MEIS2: variants seen among roughly 807,000 people sequenced by gnomAD.
MEIS2 encodes Meis homeobox 2.
MEIS2 carries 9 observed loss-of-function variants against 58.6 expected under a neutral mutation model. The ratio of observed to expected loss-of-function variants is 0.15; its 90% confidence interval spans 0.09 to 0.27. MEIS2 has a LOEUF of 0.27. Among genes scored for constraint, MEIS2 ranks in the 10% least tolerant of loss-of-function variants. MEIS2 has a pLI of 1.00. For synonymous variants in MEIS2, 221 were observed against 228.4 expected (o/e 0.97, Z 0.29); for missense variants, 427 against 635.0 (o/e 0.67, Z 3.52).
chr15:36,940,872 A>G lies in MEIS2; in HGVS notation c.977+9452T>C, dbSNP rs1220672422. 2.0e-5 allele frequency among the ~76,000 whole-genome samples: 3 copies of G among 152,292 alleles called. No individual in the cohort carries two copies. In the East Asian group the frequency reaches 5.8e-4, roughly 29 times the overall value. On this transcript the variant is annotated intron_variant, in intron 9 of 11. Transcript: ENST00000561208. ...TAGAATCCATCTATGGATTTTAATA[A>G]GTAACCTATTATGTTCCCTTTGGTG...
At chr15:37,004,546 C>T (rs545554008) in intron 8 of MEIS2, among the ~76,000 whole-genome samples, 69 of 152,344 alleles carry the variant, frequency 4.5e-4, no homozygotes, top group African/African-American at 1.6e-3. Context: ...TTCTGTTACA[C>T]GTGTCAGCAT....
chr15:37,013,672 T>A (rs191278525), intron 8 of MEIS2, among the ~76,000 whole-genome samples: 2 of 150,914 alleles, frequency 1.3e-5, no homozygotes, highest in Admixed American at 1.3e-4. Flanking sequence ...CTCAATGAAT[T>A]CAGAGCTTTG....
chr15:36,907,925 T>TG lies in MEIS2; in HGVS notation c.978-11240dup, dbSNP rs1555422200. Among the ~76,000 whole-genome samples, 137 of 27,902 alleles carry TG rather than the reference T, an allele frequency of 4.9e-3. 3 individuals carry two copies. Among genetic ancestry groups the TG allele is most frequent in the Admixed American group, 0.014 (32 of 2,290 alleles). 18.3% of individuals were successfully genotyped at this position (27,902 alleles called of 152,430 possible). A position where few individuals can be genotyped will look rare whatever the true frequency, so the allele number is the denominator to read the frequency against. On this transcript the variant is annotated intron_variant, in intron 9 of 11. Transcript: ENST00000561208. ...TACTGGCATCTAGTAAAGGTGCCAATGGGGAAAAAAAAATCAAAGATCTAA... is the reference window on the plus strand; with the variant it reads ...TACTGGCATCTAGTAAAGGTGCCAATGGGGGAAAAAAAAATCAAAGATCTAA...
At chr15:37,049,534 C>T (rs564234298) in intron 7 of MEIS2, among the ~76,000 whole-genome samples, 7 of 151,618 alleles carry the variant, frequency 4.6e-5, no homozygotes, top group Non-Finnish European at 5.9e-5. Context: ...TCTCCCAGGC[C>T]GGAGTGTAGT....
At position 37,055,573 on chromosome 15, in the gene MEIS2, G is replaced by A. The variant is rs10152532; in HGVS notation, c.755-18614C>T. On this transcript the variant is annotated intron_variant, in intron 7 of 11. Coordinates refer to ENST00000561208, the MANE Select transcript of MEIS2 (RefSeq NM_170675.5). ...CAACCTTGCTGTAAGCAGTAAAATTGATTCATCTCACTGACAAAAATGTGA... is the reference window on the plus strand; with the variant it reads ...CAACCTTGCTGTAAGCAGTAAAATTAATTCATCTCACTGACAAAAATGTGA... 2.9e-3 allele frequency among the ~76,000 whole-genome samples: 441 copies of A among 152,206 alleles called. 3 individuals carry two copies. Among genetic ancestry groups the A allele is most frequent in the African/African-American group, 0.01 (416 of 41,506 alleles).
chr15:37,085,335 A>C (rs566597842), intron 6 of MEIS2, among the ~76,000 whole-genome samples: 2 of 152,348 alleles, frequency 1.3e-5, no homozygotes, highest in Admixed American at 6.5e-5. Flanking sequence ...TGTATAGTTC[A>C]TCAAGAAAAG....
rs535371965 is a variant in MEIS2, at chr15:37,008,852, T to C, written c.900+27962A>G. On this transcript the variant is annotated intron_variant, in intron 8 of 11. Transcript: ENST00000561208. ...ATTTTGTGCTGCACATATTTAGGTA[T>C]AAAGGAGAATTTTCAGGCTGAGAAT... 3.3e-5 allele frequency among the ~76,000 whole-genome samples: 5 copies of C among 152,266 alleles called. No individual in the cohort carries two copies. In the South Asian group the frequency reaches 8.3e-4, roughly 25 times the overall value.
intron 9 of MEIS2, among the ~76,000 whole-genome samples, chr15:36,927,195 C>T (rs1789920891): frequency 6.6e-6 from 1 of 152,136 alleles, no homozygotes; most frequent in Non-Finnish European, 1.5e-5. Context: ...TTTGCAAGGC[C>T]TGCCAATCCT....
At chr15:37,037,992 A>G (rs1404934140) in intron 7 of MEIS2, among the ~76,000 whole-genome samples, 3 of 152,226 alleles carry the variant, frequency 2.0e-5, no homozygotes, top group Non-Finnish European at 4.4e-5. Context: ...TTCCTTGCAC[A>G]TCATTAGCCT....
intron 8 of MEIS2, among the ~76,000 whole-genome samples, chr15:36,971,536 T>TAAAAAAAAA (rs1567126001): frequency 0.013 from 880 of 65,386 alleles, 153 homozygotes; most frequent in African/African-American, 0.067. Context: ...CCTTGTTACA[T>TAAAAAAAAA]TAAAAAAAAA....
intron 11 of MEIS2, chr15:36,894,364 A>T (rs2056055365): frequency 6.1e-6 from 1 of 163,440 alleles, no homozygotes; most frequent in Admixed American, 5.9e-5. Flanking sequence ...GCTTCATTGA[A>T]GCCTGCTTAA....
At chr15:37,064,708 G>C (rs778514740) in intron 7 of MEIS2, among the ~76,000 whole-genome samples, 40 of 152,128 alleles carry the variant, frequency 2.6e-4, no homozygotes, top group Non-Finnish European at 4.4e-4. Flanking sequence ...CTTACGCATG[G>C]GAAAATGGAT....
chr15:36,978,253 C>T (rs932614533), intron 8 of MEIS2, among the ~76,000 whole-genome samples: 3 of 152,186 alleles, frequency 2.0e-5, no homozygotes, highest in Non-Finnish European at 4.4e-5. Context: ...GTTAAGTGCA[C>T]AGTATGTGCC....
chr15:36,895,139 G>T lies in MEIS2; in HGVS notation c.1147+12C>A. Reference sequence around the variant, plus strand: ...TCCCAGGGAAGCCCAGAGGCGGGATGAGCCAACCTACCTGCAGGCCGGATC... The same window carrying T: ...TCCCAGGGAAGCCCAGAGGCGGGATTAGCCAACCTACCTGCAGGCCGGATC... On this transcript the variant is annotated intron_variant, in intron 11 of 11. Coordinates refer to ENST00000561208, the MANE Select transcript of MEIS2 (RefSeq NM_170675.5). 6.2e-7 allele frequency: 1 copy of T among 1,610,696 alleles called. No homozygotes were observed.
chr15:36,910,362 T>A (rs1239791093), intron 9 of MEIS2, among the ~76,000 whole-genome samples: 1 of 152,146 alleles, frequency 6.6e-6, no homozygotes, highest in Non-Finnish European at 1.5e-5. Flanking sequence ...AATGTGAAGG[T>A]AATCAAAGTG....
intron 8 of MEIS2, among the ~76,000 whole-genome samples, chr15:37,009,305 T>A (rs540192804): frequency 2.6e-5 from 4 of 151,348 alleles, no homozygotes; most frequent in African/African-American, 7.3e-5. Flanking sequence ...AAATAAAAAA[T>A]AAAAAAAAAT....
chr15:36,932,594 TTTGGATTTAATTG>T (rs2141335532), intron 9 of MEIS2, among the ~76,000 whole-genome samples: 1 of 152,268 alleles, frequency 6.6e-6, no homozygotes, highest in South Asian at 2.1e-4. Flanking sequence ...TTCATTTGTT[TTTGGATTTAATTG>T]TTAGAGGGTC....
At chr15:36,996,425 T>A (rs75851101) in intron 8 of MEIS2, among the ~76,000 whole-genome samples, 9,004 of 152,214 alleles carry the variant, frequency 0.059, 311 homozygotes, top group East Asian at 0.072. Flanking sequence ...CTATTTTTTT[T>A]ATCGAGATTG....
intron 7 of MEIS2, among the ~76,000 whole-genome samples, chr15:37,056,092 G>C (rs1435085690): frequency 6.6e-6 from 1 of 152,084 alleles, no homozygotes; most frequent in Non-Finnish European, 1.5e-5. Context: ...AGAAAATCTG[G>C]GTCATGTTAA....
Sources: allele counts gnomAD v4.1 joint callset (sites outside exome capture counted in the v4.1 genomes callset), GRCh38; gene constraint gnomAD v4.1.1; transcripts MANE v1.5; gene names NCBI Gene and HGNC (gene_info 2026-07-23, HGNC 2026-07-21).